Variants in NBEA observed in about 807,000 individuals in gnomAD.
NBEA encodes the protein lysosomal-trafficking regulator 2.
Under a neutral mutation model 343.4 loss-of-function variants are expected in NBEA, and 44 were observed. The ratio of observed to expected loss-of-function variants is 0.13; its 90% CI spans 0.10 to 0.16. NBEA has a LOEUF of 0.16. NBEA is among the 10% of genes least tolerant of loss of function. The pLI is 1.00. For missense variants in NBEA, 2,555 were observed against 3,631.3 expected, an observed-to-expected ratio of 0.70 and a Z score of 7.62; for synonymous variants, 1,175 against 1,238.7, an observed-to-expected ratio of 0.95 and a Z score of 1.08.
At chr13:35,109,463 C>A in intron 12 of NBEA, 21 bp downstream of exon 12, 2 of 1,572,068 alleles carry the variant, frequency 1.3e-6, no homozygotes, top group Non-Finnish European at 8.6e-7. Flanking sequence ...TATACTTATT[C>A]AGTTTGATTT....
chr13:35,119,680 G>C (rs1416700282), intron 16 of NBEA, among the ~76,000 whole-genome samples: 1 of 152,136 alleles, frequency 6.6e-6, no homozygotes, highest in Admixed American at 6.6e-5. Context: ...CCACTTCCCG[G>C]GTTCACGCCA....
chr13:34,949,984 A>G (rs551164017), intron 1 of NBEA, among the ~76,000 whole-genome samples: 2 of 152,076 alleles, frequency 1.3e-5, no homozygotes, highest in South Asian at 4.1e-4. Flanking sequence ...GTAGCCAAGG[A>G]CTCTAATGTT....
intron 34 of NBEA, chr13:35,251,764 T>C: frequency 4.9e-6 from 1 of 202,680 alleles, no homozygotes; most frequent in Non-Finnish European, 9.9e-6. Context: ...CCAAGAGCGT[T>C]GCTTACCAGC....
At chr13:35,018,340 A>G (rs2061722504) in intron 1 of NBEA, among the ~76,000 whole-genome samples, 1 of 152,144 alleles carries the variant, frequency 6.6e-6, no homozygotes, top group Non-Finnish European at 1.5e-5. Flanking sequence ...GAAGACCAAG[A>G]CATCTTCTCA....
chr13:35,266,629 A>T (rs1397300801), intron 34 of NBEA, among the ~76,000 whole-genome samples: 1 of 151,860 alleles, frequency 6.6e-6, no homozygotes, highest in African/African-American at 2.4e-5. Flanking sequence ...TGGAATATAA[A>T]AAGTTAGACT....
intron 41 of NBEA, among the ~76,000 whole-genome samples, chr13:35,548,569 T>C (rs2079169360): frequency 6.6e-6 from 1 of 152,178 alleles, no homozygotes; most frequent in Non-Finnish European, 1.5e-5. Flanking sequence ...TTTTCTGATA[T>C]TATATTCACT....
intron 36 of NBEA, among the ~76,000 whole-genome samples, chr13:35,336,754 A>G (rs1019484176): frequency 6.6e-6 from 1 of 152,146 alleles, no homozygotes; most frequent in Non-Finnish European, 1.5e-5. Flanking sequence ...ATCCTAAGCA[A>G]ACTAATACAG....
intron 38 of NBEA, among the ~76,000 whole-genome samples, chr13:35,377,549 C>T (rs1198080908): frequency 6.6e-6 from 1 of 152,184 alleles, no homozygotes; most frequent in Admixed American, 6.5e-5. Flanking sequence ...TGTCTTAAAG[C>T]AGCAAGGTGC....
At chr13:35,271,100 G>A (rs887223152) in intron 34 of NBEA, among the ~76,000 whole-genome samples, 2 of 152,208 alleles carry the variant, frequency 1.3e-5, no homozygotes, top group South Asian at 4.1e-4. Context: ...CCCAGTAGGG[G>A]CCTACAGACA....
chr13:35,329,491 G>T (rs1291877783), intron 36 of NBEA, among the ~76,000 whole-genome samples: 1 of 151,858 alleles, frequency 6.6e-6, no homozygotes, highest in Non-Finnish European at 1.5e-5. Flanking sequence ...TCATTATAAG[G>T]AAATTCAACT....
At chr13:35,545,396 C>A (rs187369774) in intron 41 of NBEA, among the ~76,000 whole-genome samples, 16 of 152,350 alleles carry the variant, frequency 1.1e-4, no homozygotes, top group African/African-American at 3.8e-4. Context: ...TGCCACCTTC[C>A]TGCTAAGCTT....
intron 1 of NBEA, among the ~76,000 whole-genome samples, chr13:35,031,688 T>A (rs2062225146): frequency 1.3e-5 from 2 of 151,644 alleles, no homozygotes; most frequent in African/African-American, 4.8e-5. Context: ...GAAGGTTTGT[T>A]ACATAGGTAA....
chr13:34,958,938 T>G (rs537261456), intron 1 of NBEA, among the ~76,000 whole-genome samples: 1 of 152,282 alleles, frequency 6.6e-6, no homozygotes, highest in South Asian at 2.1e-4. Context: ...AGCACTATTA[T>G]GTCAAACCTT....
chr13:35,204,542 C>A (rs780784753), intron 31 of NBEA, among the ~76,000 whole-genome samples: 5 of 152,040 alleles, frequency 3.3e-5, no homozygotes, highest in Non-Finnish European at 7.4e-5. Flanking sequence ...GCCCCTAGGT[C>A]CCTCCCACAA....
At chr13:35,654,226 G>A (rs2084694080) in intron 53 of NBEA, among the ~76,000 whole-genome samples, 1 of 152,092 alleles carries the variant, frequency 6.6e-6, no homozygotes, top group African/African-American at 2.4e-5. Flanking sequence ...CTGATTCTTT[G>A]CCTGTCTCTT....
chr13:35,173,876 CAT>C (rs2152724390), intron 27 of NBEA, among the ~76,000 whole-genome samples: 1 of 152,194 alleles, frequency 6.6e-6, no homozygotes, highest in East Asian at 1.9e-4. Context: ...TTTTAATAGT[CAT>C]ATATTTTCAC....
At chr13:35,585,631 G>A (rs919120104) in intron 46 of NBEA, among the ~76,000 whole-genome samples, 8 of 151,386 alleles carry the variant, frequency 5.3e-5, no homozygotes, top group Non-Finnish European at 8.8e-5. Flanking sequence ...TTTCTCATGG[G>A]TTCCTGACCC....
At chr13:35,015,188 C>T (rs2152536953) in intron 1 of NBEA, among the ~76,000 whole-genome samples, 1 of 144,992 alleles carries the variant, frequency 6.9e-6, no homozygotes, top group South Asian at 2.2e-4. Flanking sequence ...AGATCTCTTT[C>T]CATTTAACCC....
chr13:35,430,122 T>C (rs1328383320), intron 38 of NBEA, among the ~76,000 whole-genome samples: 1 of 149,722 alleles, frequency 6.7e-6, no homozygotes, highest in African/African-American at 2.4e-5. Context: ...CACACCAACA[T>C]TTTTTTTTTG....
Sources: gnomAD v4.1 joint callset for allele counts (sites outside exome capture counted in the v4.1 genomes callset) on GRCh38, gnomAD v4.1.1 for gene constraint, MANE v1.5 for transcripts, NCBI Gene and HGNC (gene_info 2026-07-23, HGNC 2026-07-21) for gene names.